MUC4: variants seen among roughly 807,000 people sequenced by gnomAD.
The protein encoded by MUC4 is mucin-4.
Under a neutral mutation model 257.9 loss-of-function variants are expected in MUC4, and 202 were observed. The ratio of observed to expected loss-of-function variants is 0.78; its 90% confidence interval spans 0.70 to 0.88. The LOEUF is 0.88. Ranked by LOEUF, MUC4 falls within the 40% of genes least tolerant of loss-of-function variation. The pLI, the probability that MUC4 is intolerant of heterozygous loss-of-function variation, is 0.00. For synonymous variants in MUC4, 2,351 were observed against 2,757.1 expected (o/e 0.85, Z 4.62); for missense variants, 5,976 against 6,513.7 (o/e 0.92, Z 2.84).
intron 3 of MUC4, 65 bp downstream of exon 3, chr3:195,778,238 G>C: frequency 6.6e-7 from 1 of 1,511,006 alleles, no homozygotes; most frequent in Non-Finnish European, 8.9e-7. Flanking sequence ...TGGGAAGTAG[G>C]CTGAGAGGGA....
At position 195,765,066 on chromosome 3, in the gene MUC4, C is replaced by T. The variant is rs373433003; in HGVS notation, c.13855G>A (p.Val4619Met). Residue 4619 changes from valine (V) to methionine (M), a missense_variant, in exon 10 of 25, where the codon GTG (valine) becomes ATG (methionine). Physicochemically the swap from Val to Met is conservative, Grantham distance 21. Around this residue, in one of 44 missense-constraint regions of MUC4, gnomAD observed 996 missense variants for 1,137.3 expected, o/e 0.88. Coordinates refer to ENST00000463781, the MANE Select transcript of MUC4 (RefSeq NM_018406.7). Reference protein sequence around the residue: ...LCSFTSWRGGVCCSYGPWGEF... With the variant: ...LCSFTSWRGGMCCSYGPWGEF... The stretch of plus-strand genomic sequence containing the variant: ...CCCCAGGGCCCGTAGCTGCAGCACA[C>T]GCCTCCTCGCCAAGAGGTGAAGCTG... 14 of 1,613,768 alleles carry T rather than the reference C, an allele frequency of 8.7e-6. No individual in the cohort carries two copies. The African/African-American group carries it at 1.3e-4, about 15-fold the overall frequency.
intron 3 of MUC4, among the ~76,000 whole-genome samples, chr3:195,775,544 GTCATACCTTCCACA>G (rs1560284154): frequency 4.9e-5 from 2 of 40,816 alleles, no homozygotes; most frequent in African/African-American, 2.9e-4. Flanking sequence ...ACCTTCCACA[GTCATACCTTCCACA>G]CCCATACCTT....
Position 195,775,513 on chromosome 3 carries a change from A to G in MUC4, c.12944-1208T>C, listed in dbSNP as rs868244974. Among the ~76,000 whole-genome samples, 135 of 57,270 alleles carry G rather than the reference A, an allele frequency of 2.4e-3. 1 individual carries two copies. Among genetic ancestry groups the G allele is most frequent in the Middle Eastern group, 8.1e-3 (1 of 124 alleles). 37.6% of individuals were successfully genotyped at this position (57,270 alleles called of 152,430 possible). A position where few individuals can be genotyped will look rare whatever the true frequency, so the allele number is the denominator to read the frequency against. On this transcript the variant is annotated intron_variant, in intron 3 of 24. Transcript: ENST00000463781. ...TACCTTCCACAGCCATACCTTCCAC[A>G]CCCATACCTTCCACACCCATACCTT...
rs1461486556 is a variant in MUC4, at chr3:195,759,238, C to A, written c.14872G>T (p.Gly4958Cys). The change falls in exon 17 of 25, where the codon GGT (glycine) becomes TGT (cysteine). Residue 4958 changes from glycine (G) to cysteine (C), a missense_variant. Gly to Cys is a radical substitution (Grantham distance 159). Around this residue, in one of 44 missense-constraint regions of MUC4, gnomAD observed 996 missense variants for 1,137.3 expected, o/e 0.88. Coordinates refer to ENST00000463781, the MANE Select transcript of MUC4 (RefSeq NM_018406.7). ...TLNQYPPSINGGRVIEAYKGQ... is the reference protein window; with the variant it reads ...TLNQYPPSINCGRVIEAYKGQ... The stretch of plus-strand genomic sequence containing the variant: ...TTGTAGGCTTCAATCACACGACCAC[C>A]ATTGATGGAGGGCGGGTACTGATCT... 1.2e-6 allele frequency: 2 copies of A among 1,613,956 alleles called. No individual in the cohort carries two copies. The highest frequency in any genetic ancestry group is 1.7e-6 in the Non-Finnish European group (2 of 1,180,010).
At chr3:195,775,675 CACACCG>C in intron 3 of MUC4, among the ~76,000 whole-genome samples, 2 of 29,698 alleles carry the variant, frequency 6.7e-5, no homozygotes, top group South Asian at 7.3e-4. Flanking sequence ...CCATACCTTC[CACACCG>C]ATACCTTCCA....
At position 195,757,241 on chromosome 3, in the gene MUC4, G is replaced by C; in HGVS notation, c.15074C>G (p.Ser5025Cys). 1.2e-6 allele frequency: 2 copies of C among 1,613,696 alleles called. No homozygotes were observed. Among genetic ancestry groups the C allele is most frequent in the Non-Finnish European group, 1.7e-6 (2 of 1,179,600 alleles). Residue 5025 changes from serine (S) to cysteine (C), a missense_variant, in exon 18 of 25, where the codon TCT (serine) becomes TGT (cysteine). Ser to Cys is a moderately radical substitution (Grantham distance 112). This residue lies in a region of MUC4 where 996 missense variants were observed against 1,137.3 expected (regional missense o/e 0.88). Coordinates refer to ENST00000463781, the MANE Select transcript of MUC4 (RefSeq NM_018406.7). The surrounding 1 kb of genome is among the most constrained non-coding windows in gnomAD (Gnocchi z 4.8). ...LARSAKIGLA[S>C]ALQPRTVVCH... ...GACCACAGTCCTGGGCTGGAGTGCAGATGCCAAGCCAATCTTGGCACTTCT... is the reference window on the plus strand; with the variant it reads ...GACCACAGTCCTGGGCTGGAGTGCACATGCCAAGCCAATCTTGGCACTTCT...
At chr3:195,761,206 G>T in intron 15 of MUC4, 89 bp from the exon 16 acceptor site, 1 of 1,269,504 alleles carries the variant, frequency 7.9e-7, no homozygotes, top group Non-Finnish European at 1.1e-6. Context: ...TAGATGGCTT[G>T]GAGCGGGGCG....
chr3:195,767,642 T>TCACCATCACCACCATCACCATCACCAC, intron 7 of MUC4, among the ~76,000 whole-genome samples: 1 of 31,376 alleles, frequency 3.2e-5, no homozygotes, highest in Non-Finnish European at 6.2e-5. Context: ...ACCACCACCA[T>TCACCATCACCACCATCACCATCACCAC]CGCCACCACC....
In MUC4 at chr3:195,747,174, C is replaced by G; in HGVS notation, c.*2G>C. The G allele has an allele frequency of 1.2e-6, 2 of 1,614,258 alleles. No homozygotes were observed. Among genetic ancestry groups the G allele is most frequent in the Non-Finnish European group, 1.7e-6 (2 of 1,180,054 alleles). On this transcript the variant is annotated 3_prime_UTR_variant, in exon 25 of 25. Coordinates refer to ENST00000463781, the MANE Select transcript of MUC4 (RefSeq NM_018406.7). ...GAGGTAGCCTAGGCCACAGCTGCCC[C>G]TTCAAGGCAAGGCCTCAGCTGAGTT... is the stretch of plus-strand genomic sequence containing the variant.
rs1210210161 is a variant in MUC4, at chr3:195,786,504, A to C, written c.5076T>G (p.Asp1692Glu). The stretch of plus-strand genomic sequence containing the variant: ...CGGTGACAGGAAGACGGGTGGTGTC[A>C]TCTGTGGTAGCTGAGGAAAGGCCGG... ...PVTGLSSATTDDTTRLPVTDV... is the reference protein window; with the variant it reads ...PVTGLSSATTEDTTRLPVTDV... The change falls in exon 2 of 25, where the codon GAT becomes GAG. Residue 1692 changes from aspartate (D) to glutamate (E), a missense_variant. By Grantham distance (45) the Asp-to-Glu change is conservative (BLOSUM62 2). Transcript: ENST00000463781. The C allele has an allele frequency of 6.6e-7, 1 of 1,525,886 alleles. No individual in the cohort carries two copies. The highest frequency in any genetic ancestry group is 8.8e-7 in the Non-Finnish European group (1 of 1,131,866). The allele number at this position is 1,525,886 out of a possible 1,614,324, so 94.5% of individuals were successfully genotyped here. A position where few individuals can be genotyped will look rare whatever the true frequency, so the allele number is the denominator to read the frequency against.
chr3:195,776,759 C>G (rs1288785316), intron 3 of MUC4, among the ~76,000 whole-genome samples: 58 of 68,238 alleles, frequency 8.5e-4, no homozygotes, highest in Admixed American at 1.5e-3. Context: ...ACCTTCCACA[C>G]CCATACCTTC....
chr3:195,811,553 C>T (rs1351806591), intron 1 of MUC4, among the ~76,000 whole-genome samples, 183 bp downstream of exon 1: 2 of 151,794 alleles, frequency 1.3e-5, no homozygotes, highest in Non-Finnish European at 2.9e-5. Context: ...CCATGTTGTC[C>T]CATTCATCTC....
At chr3:195,803,787 C>G (rs1209113034) in intron 1 of MUC4, among the ~76,000 whole-genome samples, 1 of 152,194 alleles carries the variant, frequency 6.6e-6, no homozygotes, top group Non-Finnish European at 1.5e-5. Flanking sequence ...AAGCTGCGAG[C>G]TGCTCAGCTC....
intron 4 of MUC4, among the ~76,000 whole-genome samples, chr3:195,772,018 C>T (rs1016640861): frequency 6.6e-6 from 1 of 152,202 alleles, no homozygotes; most frequent in African/African-American, 2.4e-5. Context: ...CTCAGGCCAT[C>T]CCTTGCGTCC....
At chr3:195,796,401 T>C (rs1463968603) in intron 1 of MUC4, among the ~76,000 whole-genome samples, 3 of 152,146 alleles carry the variant, frequency 2.0e-5, no homozygotes, top group African/African-American at 7.2e-5. Context: ...CTATTTTAAA[T>C]TGAATCAGCA....
chr3:195,781,622 AGG>A lies in MUC4; in HGVS notation c.9956_9957del (p.Ser3319PhefsTer22). 2.3e-6 allele frequency: 1 copy of A among 442,694 alleles called. No homozygotes were observed. Among genetic ancestry groups the A allele is most frequent in the Non-Finnish European group, 3.1e-6 (1 of 322,734 alleles). 27.4% of individuals were successfully genotyped at this position (442,694 alleles called of 1,614,324 possible). ...HATPLLVTDA[S>X]SASTGHATPL... The stretch of plus-strand genomic sequence containing the variant: ...GGGGTGGCGTGACCTGTGGATGCTG[AGG>A]AAGCGTCGGTGACAAGAAGAGGAGT... On this transcript the variant is annotated frameshift_variant, in exon 2 of 25. Coordinates refer to ENST00000463781, the MANE Select transcript of MUC4 (RefSeq NM_018406.7). LOFTEE classifies it high-confidence loss of function.
chr3:195,789,137 GTGT>G lies in MUC4; in HGVS notation c.2440_2442del (p.Thr814del), dbSNP rs762368833. On this transcript the variant is annotated inframe_deletion, in exon 2 of 25. Transcript: ENST00000463781. ...GTGGATATTCCTTCGCTTCCTGAAG[GTGT>G]TGTGCCACTCGCCCCGGATGAGGAA... 32 of 1,613,784 alleles carry G rather than the reference GTGT, an allele frequency of 2.0e-5. No homozygotes were observed. The highest frequency in any genetic ancestry group is 3.3e-4 in the Middle Eastern group (2 of 6,060).
intron 1 of MUC4, among the ~76,000 whole-genome samples, chr3:195,808,497 G>T (rs979481114): frequency 2.6e-5 from 4 of 152,120 alleles, no homozygotes; most frequent in Admixed American, 2.6e-4. Flanking sequence ...GAGCCACCGC[G>T]CCCGGCCCTT....
chr3:195,769,050 C>T lies in MUC4; in HGVS notation c.13501G>A (p.Gly4501Ser), dbSNP rs748979758. Residue 4501 changes from glycine to serine, a missense_variant, in exon 7 of 25, where the codon GGC becomes AGC. Around this residue, in one of 44 missense-constraint regions of MUC4, gnomAD observed 996 missense variants for 1,137.3 expected, o/e 0.88. Coordinates refer to ENST00000463781, the MANE Select transcript of MUC4 (RefSeq NM_018406.7). ...GAGAAGCCCATGAGCACCGGGTTGC[C>T]TGAGCGCTGGGCCACGTCCCACTGC... ...GMQWDVAQRS[G>S]NPVLMGFSSG... The T allele has an allele frequency of 6.2e-7, 1 of 1,613,910 alleles. No individual in the cohort carries two copies. The highest frequency in any genetic ancestry group is 1.1e-5 in the South Asian group (1 of 91,056).
Sources: gnomAD v4.1 joint callset for allele counts (sites outside exome capture counted in the v4.1 genomes callset) on GRCh38, gnomAD v4.1.1 for gene constraint, gnomAD v4.1.1 regional missense constraint, Gnocchi (gnomAD v3.1) non-coding constraint, MANE v1.5 for transcripts, NCBI Gene and HGNC (gene_info 2026-07-23, HGNC 2026-07-21) for gene names.